PCSK6: variants seen among roughly 807,000 people sequenced by gnomAD.
PCSK6 encodes the protein proprotein convertase subtilisin/kexin type 6.
Under a neutral mutation model 123.3 loss-of-function variants are expected in PCSK6, and 85 were observed. The ratio of observed to expected loss-of-function variants is 0.69; its 90% CI spans 0.58 to 0.83. PCSK6 has a LOEUF of 0.83. Ranked by LOEUF, PCSK6 falls within the 40% of genes least tolerant of loss-of-function variation. The pLI is 0.00. For synonymous variants in PCSK6, 508 were observed against 516.0 expected, an observed-to-expected ratio of 0.98 and a Z score of 0.21; for missense variants, 1,191 against 1,282.3, an observed-to-expected ratio of 0.93 and a Z score of 1.09.
chr15:101,430,168 C>T, intron 4 of PCSK6, 105 bp from the exon 5 acceptor site: 9 of 797,364 alleles, frequency 1.1e-5, no homozygotes, highest in Non-Finnish European at 2.2e-6. Flanking sequence ...ACGCGGGGCT[C>T]CTCTCTTACT....
At chr15:101,440,748 G>A (rs554290687) in intron 2 of PCSK6, among the ~76,000 whole-genome samples, 4 of 152,280 alleles carry the variant, frequency 2.6e-5, no homozygotes, top group Admixed American at 2.0e-4. Context: ...CTTTGCCAAC[G>A]TAGGGAAACG....
At chr15:101,488,943 G>A (rs1482204182) in intron 1 of PCSK6, among the ~76,000 whole-genome samples, 1 of 150,448 alleles carries the variant, frequency 6.6e-6, no homozygotes, top group Admixed American at 6.6e-5. Flanking sequence ...GGGCAGAGGG[G>A]CCGCTCCCCC....
At chr15:101,400,375 T>C (rs1203311747) in intron 6 of PCSK6, among the ~76,000 whole-genome samples, 6 of 152,250 alleles carry the variant, frequency 3.9e-5, no homozygotes, top group African/African-American at 1.4e-4. Flanking sequence ...CTTCTGGGGT[T>C]CACCTTCTGA....
chr15:101,402,458 GA>G (rs1482155477), intron 6 of PCSK6, among the ~76,000 whole-genome samples: 2 of 151,982 alleles, frequency 1.3e-5, no homozygotes, highest in Non-Finnish European at 2.9e-5. Context: ...CACAGCAAAA[GA>G]AACTACCATC....
chr15:101,411,315 G>C (rs938912578), intron 6 of PCSK6, among the ~76,000 whole-genome samples: 4 of 152,190 alleles, frequency 2.6e-5, no homozygotes, highest in Non-Finnish European at 5.9e-5. Flanking sequence ...GCTGAGTGGG[G>C]ACAGCAGCAG....
intron 9 of PCSK6, among the ~76,000 whole-genome samples, chr15:101,385,139 C>T (rs1325756737): frequency 6.6e-6 from 1 of 151,840 alleles, no homozygotes; most frequent in Non-Finnish European, 1.5e-5. Context: ...ACCTCAGCCT[C>T]CCAAGTGGCT....
intron 12 of PCSK6, among the ~76,000 whole-genome samples, chr15:101,368,135 C>G (rs2041456483): frequency 6.6e-6 from 1 of 152,196 alleles, no homozygotes; most frequent in African/African-American, 2.4e-5. Context: ...TTTTAAAATG[C>G]CTGATGGCGC....
At chr15:101,406,216 ACC>A (rs1464678220) in intron 6 of PCSK6, among the ~76,000 whole-genome samples, 1 of 46,882 alleles carries the variant, frequency 2.1e-5, no homozygotes, top group African/African-American at 6.9e-5. Flanking sequence ...AAGCCCACAC[ACC>A]CACACACACA....
intron 13 of PCSK6, among the ~76,000 whole-genome samples, chr15:101,333,141 G>A (rs2040404916): frequency 6.6e-6 from 1 of 152,146 alleles, no homozygotes; most frequent in Non-Finnish European, 1.5e-5. Context: ...ACTGGTTTAA[G>A]CTTCTTCTTC....
At chr15:101,407,414 A>G (rs1469617793) in intron 6 of PCSK6, among the ~76,000 whole-genome samples, 1 of 151,766 alleles carries the variant, frequency 6.6e-6, no homozygotes, top group Admixed American at 6.6e-5. Context: ...CCCTGGGGAG[A>G]CTGTTCCTTC....
chr15:101,398,557 G>A lies in PCSK6; in HGVS notation c.843C>T (p.Gly281=), dbSNP rs749682614. ...AKIGGIRMLD[G]DVTDVVEAKS... is the part of the protein sequence containing the mutation. ...TTGCCTCGACCACATCTGTGACATCGCCGTCCAGCATGCGGATGCCTGAAA... is the reference window on the plus strand; with the variant it reads ...TTGCCTCGACCACATCTGTGACATCACCGTCCAGCATGCGGATGCCTGAAA... Residue 281 remains glycine (G), a synonymous_variant, in exon 7 of 22, where the codon GGC becomes GGT. Transcript: ENST00000611716. This position sits in a 1 kb window ranked among gnomAD's most constrained non-coding sequence, Gnocchi z 4.6. The A allele has an allele frequency of 1.2e-5, 20 of 1,612,526 alleles. 1 individual carries two copies. Among genetic ancestry groups the A allele is most frequent in the South Asian group, 1.1e-4 (10 of 91,042 alleles).
chr15:101,339,457 TGGGC>T (rs1441174730), intron 13 of PCSK6, among the ~76,000 whole-genome samples: 2 of 152,214 alleles, frequency 1.3e-5, no homozygotes, highest in African/African-American at 2.4e-5. Flanking sequence ...TGCAGAGGTT[TGGGC>T]GGAAGGAATA....
intron 11 of PCSK6, among the ~76,000 whole-genome samples, chr15:101,375,251 C>T (rs1461837021): frequency 6.6e-6 from 1 of 152,154 alleles, no homozygotes; most frequent in Non-Finnish European, 1.5e-5. Context: ...CGGCGCCCGG[C>T]CAAAATTACT....
chr15:101,372,198 C>A (rs1213346082), intron 11 of PCSK6, among the ~76,000 whole-genome samples: 1 of 152,116 alleles, frequency 6.6e-6, no homozygotes, highest in Non-Finnish European at 1.5e-5. Flanking sequence ...CAGTGCAGAC[C>A]CACCGCCGCC....
At chr15:101,477,950 A>G (rs1357765595) in intron 1 of PCSK6, among the ~76,000 whole-genome samples, 2 of 152,214 alleles carry the variant, frequency 1.3e-5, no homozygotes, top group Non-Finnish European at 2.9e-5. Context: ...CCTGATAAGG[A>G]GGGGAGGATC....
At chr15:101,451,988 T>C (rs1424392051) in intron 1 of PCSK6, among the ~76,000 whole-genome samples, 2 of 152,238 alleles carry the variant, frequency 1.3e-5, no homozygotes, top group Non-Finnish European at 2.9e-5. Context: ...TGTTATTTCT[T>C]AAAGCATTTT....
chr15:101,350,822 C>A (rs2040870621), intron 13 of PCSK6, among the ~76,000 whole-genome samples: 1 of 152,228 alleles, frequency 6.6e-6, no homozygotes, highest in Non-Finnish European at 1.5e-5. Context: ...CAACCCTCTA[C>A]CCGTTCAATT....
intron 1 of PCSK6, among the ~76,000 whole-genome samples, chr15:101,473,573 T>TG (rs1369347990): frequency 1.3e-5 from 2 of 152,248 alleles, no homozygotes; most frequent in African/African-American, 2.4e-5. Flanking sequence ...CAGAACTCCA[T>TG]GGGGAAGAGA....
At chr15:101,408,239 C>T (rs967079367) in intron 6 of PCSK6, among the ~76,000 whole-genome samples, 4 of 152,348 alleles carry the variant, frequency 2.6e-5, no homozygotes, top group South Asian at 4.1e-4. Context: ...GGGACACGGA[C>T]GGCGAAAAGG....
Sources: gnomAD v4.1 joint callset for allele counts (sites outside exome capture counted in the v4.1 genomes callset) on GRCh38, gnomAD v4.1.1 for gene constraint, Gnocchi (gnomAD v3.1) non-coding constraint, MANE v1.5 for transcripts, NCBI Gene and HGNC (gene_info 2026-07-23, HGNC 2026-07-21) for gene names.